CUX2: variants seen among roughly 807,000 people sequenced by gnomAD.
CUX2 encodes the protein homeobox protein cut-like 2.
CUX2 carries 40 observed loss-of-function variants against 144.8 expected under a neutral mutation model. The ratio of observed to expected loss-of-function variants is 0.28; its 90% CI spans 0.21 to 0.36. CUX2 has a LOEUF of 0.36. Ranked by LOEUF, CUX2 falls within the 10% of genes least tolerant of loss-of-function variation. The pLI, the probability that CUX2 is intolerant of heterozygous loss-of-function variation, is 1.00. For synonymous variants in CUX2, 827 were observed against 875.6 expected (o/e 0.94, Z 0.98); for missense variants, 1,615 against 1,994.0 (o/e 0.81, Z 3.62).
intron 18 of CUX2, among the ~76,000 whole-genome samples, chr12:111,330,728 T>TACATACATATAC (rs1377439848): frequency 2.0e-5 from 1 of 50,142 alleles, no homozygotes; most frequent in African/African-American, 8.7e-5. Context: ...TATATATATA[T>TACATACATATAC]ATATATATAT....
At chr12:111,250,805 G>C (rs968970181) in intron 3 of CUX2, among the ~76,000 whole-genome samples, 1 of 152,128 alleles carries the variant, frequency 6.6e-6, no homozygotes, top group Non-Finnish European at 1.5e-5. Flanking sequence ...CATGCTTGTG[G>C]CATCAGCAGC....
At chr12:111,240,902 C>T (rs778342865) in intron 3 of CUX2, among the ~76,000 whole-genome samples, 10 of 152,240 alleles carry the variant, frequency 6.6e-5, no homozygotes, top group East Asian at 1.9e-4. Flanking sequence ...GCAGGTGTGC[C>T]GATGCCAACC....
At chr12:111,244,089 T>G in intron 3 of CUX2, among the ~76,000 whole-genome samples, 1 of 151,700 alleles carries the variant, frequency 6.6e-6, no homozygotes, top group East Asian at 1.9e-4. Context: ...ATTAGCTTTT[T>G]GGGTTTTTTT....
chr12:111,330,730 T>TATATATATATAC (rs1888081174), intron 18 of CUX2, among the ~76,000 whole-genome samples: 1 of 51,586 alleles, frequency 1.9e-5, no homozygotes, highest in East Asian at 3.3e-4. Context: ...TATATATATA[T>TATATATATATAC]ATATATATAT....
intron 1 of CUX2, among the ~76,000 whole-genome samples, chr12:111,142,376 C>G (rs1241298062): frequency 6.6e-6 from 1 of 152,078 alleles, no homozygotes; most frequent in Non-Finnish European, 1.5e-5. Context: ...AGTGTTCCAT[C>G]TAATTACTAT....
chr12:111,108,758 T>C (rs1873762637), intron 1 of CUX2, among the ~76,000 whole-genome samples: 1 of 150,448 alleles, frequency 6.6e-6, no homozygotes, highest in East Asian at 2.0e-4. Context: ...TCTTTCTCCC[T>C]CTCTCTCTCT....
At position 111,334,488 on chromosome 12, in the gene CUX2, A is replaced by T; in HGVS notation, c.2974A>T (p.Thr992Ser). The change falls in exon 19 of 22, where the codon ACA becomes TCA. Residue 992 changes from threonine (T) to serine (S), a missense_variant. Coordinates refer to ENST00000261726, the MANE Select transcript of CUX2 (RefSeq NM_015267.4). ...CTCACCATCCCCACCCCCCAGCCCC[A>T]CAGAGCCTGAGAAGAGCTCCCAGGA... ...RSSPSPPPSP[T>S]EPEKSSQEPL... The T allele has an allele frequency of 6.5e-7, 1 of 1,530,304 alleles. No homozygotes were observed. Among genetic ancestry groups the T allele is most frequent in the South Asian group, 1.2e-5 (1 of 84,534 alleles). 94.8% of individuals were successfully genotyped at this position (1,530,304 alleles called of 1,614,324 possible). A position where few individuals can be genotyped will look rare whatever the true frequency, so the allele number is the denominator to read the frequency against.
At chr12:111,148,970 C>T (rs1566254638) in intron 1 of CUX2, among the ~76,000 whole-genome samples, 1 of 152,094 alleles carries the variant, frequency 6.6e-6, no homozygotes, top group African/African-American at 2.4e-5. Context: ...CCACTCCAGC[C>T]TGGGTGACAG....
At chr12:111,233,826 C>T (rs1484682577) in intron 3 of CUX2, among the ~76,000 whole-genome samples, 1 of 152,120 alleles carries the variant, frequency 6.6e-6, no homozygotes, top group Non-Finnish European at 1.5e-5. Flanking sequence ...AAAATGGGCT[C>T]GTTTCTGTTG....
chr12:111,315,575 C>G (rs540887406), intron 16 of CUX2, among the ~76,000 whole-genome samples: 30 of 152,150 alleles, frequency 2.0e-4, no homozygotes, highest in Admixed American at 1.8e-3. Flanking sequence ...AAAAATTAGC[C>G]AGGCATGGTA....
chr12:111,286,406 C>CCT (rs1490772460), intron 4 of CUX2, among the ~76,000 whole-genome samples: 20 of 152,164 alleles, frequency 1.3e-4, no homozygotes, highest in African/African-American at 4.3e-4. Context: ...ATCACTACTG[C>CCT]CTCTCTCAAT....
intron 1 of CUX2, among the ~76,000 whole-genome samples, chr12:111,153,449 T>G (rs1381787683): frequency 6.6e-6 from 1 of 152,192 alleles, no homozygotes; most frequent in Non-Finnish European, 1.5e-5. Flanking sequence ...GCTACACACC[T>G]GGACTGTTGC....
chr12:111,213,075 C>T (rs570188058), intron 1 of CUX2, among the ~76,000 whole-genome samples: 3 of 152,272 alleles, frequency 2.0e-5, no homozygotes, highest in Admixed American at 1.3e-4. Flanking sequence ...AATACACTCC[C>T]GCATCTGCGT....
At chr12:111,233,688 T>A (rs1210117039) in intron 3 of CUX2, among the ~76,000 whole-genome samples, 1 of 152,146 alleles carries the variant, frequency 6.6e-6, no homozygotes, top group African/African-American at 2.4e-5. Context: ...TGTGGAATAT[T>A]CTGGAGAATC....
intron 1 of CUX2, among the ~76,000 whole-genome samples, chr12:111,147,230 A>T (rs1206700742): frequency 6.6e-6 from 1 of 152,218 alleles, no homozygotes; most frequent in East Asian, 1.9e-4. Flanking sequence ...TTATTTTCAG[A>T]ACTATTTTGG....
chr12:111,066,492 C>T (rs933858557), intron 1 of CUX2, among the ~76,000 whole-genome samples: 2 of 152,184 alleles, frequency 1.3e-5, no homozygotes, highest in African/African-American at 4.8e-5. Flanking sequence ...TTGTCACTCA[C>T]AGGGACCAAA....
chr12:111,236,500 A>G (rs1882754612), intron 3 of CUX2, among the ~76,000 whole-genome samples: 1 of 152,184 alleles, frequency 6.6e-6, no homozygotes, highest in Admixed American at 6.5e-5. Flanking sequence ...CCTCAGTTAC[A>G]CAGAGCAGAT....
intron 3 of CUX2, among the ~76,000 whole-genome samples, chr12:111,249,276 T>A (rs916246148): frequency 6.6e-6 from 1 of 151,998 alleles, no homozygotes; most frequent in African/African-American, 2.4e-5. Context: ...TTTCCCCACC[T>A]CTCTGAAGGC....
chr12:111,315,310 AC>A (rs1887135094), intron 16 of CUX2, among the ~76,000 whole-genome samples: 2 of 152,338 alleles, frequency 1.3e-5, no homozygotes, highest in African/African-American at 4.8e-5. Flanking sequence ...CATAAGAGTG[AC>A]AAACTGGAAA....
Sources: allele counts gnomAD v4.1 joint callset (sites outside exome capture counted in the v4.1 genomes callset), GRCh38; gene constraint gnomAD v4.1.1; transcripts MANE v1.5; gene names NCBI Gene and HGNC (gene_info 2026-07-23, HGNC 2026-07-21).